ELOVL5: variants seen among roughly 807,000 people sequenced by gnomAD.
The protein encoded by ELOVL5 is very long chain fatty acid elongase 5.
Under a neutral mutation model 38.6 loss-of-function variants are expected in ELOVL5, and 8 were observed. That is an observed-to-expected ratio of 0.21 (90% confidence interval 0.12 to 0.37). The LOEUF (loss-of-function observed/expected upper bound fraction) is 0.37, where lower values mean the gene tolerates loss of function less well. Among genes scored for constraint, ELOVL5 ranks in the 10% least tolerant of loss-of-function variants. The pLI, the probability that ELOVL5 is intolerant of heterozygous loss-of-function variation, is 1.00. For synonymous variants in ELOVL5, 127 were observed against 133.7 expected (o/e 0.95, Z 0.34); for missense variants, 280 against 367.8 (o/e 0.76, Z 1.95).
At position 53,323,169 on chromosome 6, in the gene ELOVL5, T is replaced by C. The variant is rs114835043; in HGVS notation, c.-9+25648A>G. 4.3e-3 allele frequency among the ~76,000 whole-genome samples: 661 copies of C among 152,142 alleles called. 8 individuals carry two copies. The highest frequency in any genetic ancestry group is 0.015 in the African/African-American group (638 of 41,470). On this transcript the variant is annotated intron_variant, in intron 1 of 7. Coordinates refer to ENST00000304434, the MANE Select transcript of ELOVL5 (RefSeq NM_021814.5). Reference sequence around the variant, plus strand: ...AGATTAAATTTAACTGTCAGGAAAATAGAAAAATGCATCAAACTAGCAACC... The same window carrying C: ...AGATTAAATTTAACTGTCAGGAAAACAGAAAAATGCATCAAACTAGCAACC...
chr6:53,302,533 G>A (rs1316417230), intron 1 of ELOVL5, among the ~76,000 whole-genome samples: 1 of 152,054 alleles, frequency 6.6e-6, no homozygotes, highest in Non-Finnish European at 1.5e-5. Context: ...TAAGCATCTT[G>A]GCCATTTCTA....
At chr6:53,304,753 A>ATGATCTGTG (rs1446561256) in intron 1 of ELOVL5, among the ~76,000 whole-genome samples, 7 of 152,250 alleles carry the variant, frequency 4.6e-5, no homozygotes, top group African/African-American at 1.7e-4. Flanking sequence ...GTAAGGTCAC[A>ATGATCTGTG]GATCAACAGG....
At position 53,308,755 on chromosome 6, in the gene ELOVL5, C is replaced by T. The variant is rs1424161690; in HGVS notation, c.-8-13048G>A. 2.6e-5 allele frequency among the ~76,000 whole-genome samples: 4 copies of T among 151,946 alleles called. No homozygotes were observed. The East Asian group carries it at 5.8e-4, about 22-fold the overall frequency. On this transcript the variant is annotated intron_variant, in intron 1 of 7. Coordinates refer to ENST00000304434, the MANE Select transcript of ELOVL5 (RefSeq NM_021814.5). Reference sequence around the variant, plus strand: ...TTTTATCACCCAGACGGTATCCATACACTGTATTACAGAGACAGAGCCTAG... The same window carrying T: ...TTTTATCACCCAGACGGTATCCATATACTGTATTACAGAGACAGAGCCTAG...
At chr6:53,297,316 C>T (rs1159191331) in intron 1 of ELOVL5, among the ~76,000 whole-genome samples, 2 of 152,222 alleles carry the variant, frequency 1.3e-5, no homozygotes, top group Non-Finnish European at 2.9e-5. Context: ...CACAGTTTTG[C>T]TTTCTGAGAT....
rs1476605167 is a variant in ELOVL5 at position 53,348,936 on chromosome 6, G to A, written c.-128C>T. 1.1e-5 allele frequency: 5 copies of A among 436,228 alleles called. No homozygotes were observed. The highest frequency in any genetic ancestry group is 1.4e-5 in the Non-Finnish European group (3 of 217,522). 27.0% of individuals were successfully genotyped at this position (436,228 alleles called of 1,614,324 possible). A position where few individuals can be genotyped will look rare whatever the true frequency, so the allele number is the denominator to read the frequency against. On this transcript the variant is annotated 5_prime_UTR_variant, in exon 1 of 8. Coordinates refer to ENST00000304434, the MANE Select transcript of ELOVL5 (RefSeq NM_021814.5). ...AAGGAGACACCGGTGGCTAGGACCC[G>A]CGCGATGGGAAGAGGAAGGCGCCGG...
chr6:53,295,490 A>ACTT (rs945281653), intron 2 of ELOVL5, 152 bp downstream of exon 2: 1 of 613,882 alleles, frequency 1.6e-6, no homozygotes, highest in African/African-American at 2.0e-5. Context: ...TCTGTCAGAG[A>ACTT]CTTCTCCAAA....
At chr6:53,339,051 C>T (rs759882824) in intron 1 of ELOVL5, among the ~76,000 whole-genome samples, 13 of 152,166 alleles carry the variant, frequency 8.5e-5, no homozygotes, top group Admixed American at 7.2e-4. Context: ...TCAATCTACA[C>T]GCCCACATTT....
chr6:53,275,841 A>G (rs1410963405), intron 4 of ELOVL5, among the ~76,000 whole-genome samples: 4 of 152,190 alleles, frequency 2.6e-5, no homozygotes, highest in Non-Finnish European at 5.9e-5. Context: ...TTTTAACACC[A>G]CTACTCGGAA....
chr6:53,300,997 T>A (rs73742923), intron 1 of ELOVL5, among the ~76,000 whole-genome samples: 6,548 of 152,188 alleles, frequency 0.043, 432 homozygotes, highest in African/African-American at 0.15. Context: ...AAATGAATTC[T>A]TCATCACCAG....
intron 1 of ELOVL5, among the ~76,000 whole-genome samples, chr6:53,337,590 A>C (rs1769129228): frequency 6.6e-6 from 1 of 152,214 alleles, no homozygotes; most frequent in Non-Finnish European, 1.5e-5. Flanking sequence ...CCATTAGCAC[A>C]TATTATAGGA....
At chr6:53,276,592 G>A (rs1766139511) in intron 3 of ELOVL5, among the ~76,000 whole-genome samples, 1 of 152,056 alleles carries the variant, frequency 6.6e-6, no homozygotes, top group Non-Finnish European at 1.5e-5. Flanking sequence ...TCCCTGCTCT[G>A]CCCCACAGAA....
At chr6:53,290,779 T>C (rs944998660) in intron 3 of ELOVL5, among the ~76,000 whole-genome samples, 9 of 144,046 alleles carry the variant, frequency 6.2e-5, no homozygotes, top group African/African-American at 2.4e-4. Flanking sequence ...GACACCATCA[T>C]GGCCTGAGGC....
At chr6:53,305,928 T>G (rs1355719004) in intron 1 of ELOVL5, among the ~76,000 whole-genome samples, 2 of 151,784 alleles carry the variant, frequency 1.3e-5, no homozygotes, top group African/African-American at 4.8e-5. Context: ...AGCACTGAGT[T>G]AACGAGACTC....
At chr6:53,345,021 C>T (rs1017564131) in intron 1 of ELOVL5, among the ~76,000 whole-genome samples, 3 of 152,180 alleles carry the variant, frequency 2.0e-5, no homozygotes, top group Non-Finnish European at 2.9e-5. Context: ...AAAGGTGAAG[C>T]AGCTAGCTGA....
intron 1 of ELOVL5, among the ~76,000 whole-genome samples, chr6:53,330,338 T>C (rs1320835815): frequency 6.6e-6 from 1 of 152,146 alleles, no homozygotes; most frequent in Non-Finnish European, 1.5e-5. Context: ...TTGCTCTGGA[T>C]GAGTCAATGA....
In ELOVL5 at chr6:53,278,617, G is replaced by A. The variant is rs554378300; in HGVS notation, c.247-2361C>T. On this transcript the variant is annotated intron_variant, in intron 3 of 7. Transcript: ENST00000304434. ...TTAAAGAACTCAAACCTCAGTATTG[G>A]GTGGTGAACTTTTTTCACTCCTGAA... 2.0e-5 allele frequency among the ~76,000 whole-genome samples: 3 copies of A among 152,236 alleles called. No individual in the cohort carries two copies. In the East Asian group the frequency reaches 5.8e-4, roughly 29 times the overall value.
intron 3 of ELOVL5, chr6:53,277,221 T>C (rs1766174008): frequency 6.5e-6 from 1 of 153,414 alleles, no homozygotes; most frequent in African/African-American, 2.4e-5. Flanking sequence ...CAGAAATAAA[T>C]GGCAAAAAAT....
intron 3 of ELOVL5, among the ~76,000 whole-genome samples, chr6:53,287,551 T>C (rs1581934319): frequency 6.6e-6 from 1 of 152,224 alleles, no homozygotes; most frequent in South Asian, 2.1e-4. Flanking sequence ...CCAAAGAGGC[T>C]GGGAGAAAAA....
chr6:53,273,397 A>G, intron 5 of ELOVL5, 53 bp from the exon 6 acceptor site: 1 of 1,518,140 alleles, frequency 6.6e-7, no homozygotes, highest in Non-Finnish European at 8.8e-7. Context: ...TTTAAACAGA[A>G]CAGGTGGTAA....
Sources: gnomAD v4.1 joint callset for allele counts (sites outside exome capture counted in the v4.1 genomes callset) on GRCh38, gnomAD v4.1.1 for gene constraint, MANE v1.5 for transcripts, NCBI Gene and HGNC (gene_info 2026-07-23, HGNC 2026-07-21) for gene names.